The following POLD3 variants were observed in gnomAD, a reference collection of about 807,000 sequenced individuals.
The protein encoded by POLD3 is DNA polymerase delta subunit 3.
POLD3 carries 19 observed loss-of-function variants against 58.2 expected under a neutral mutation model. The observed-to-expected ratio is 0.33, with a 90% CI of 0.23 to 0.48. POLD3 has a LOEUF of 0.48. Ranked by LOEUF, POLD3 falls within the 20% of genes least tolerant of loss-of-function variation. The pLI is 0.99. For missense variants in POLD3, 504 were observed against 545.5 expected (o/e 0.92, Z 0.76); for synonymous variants, 172 against 193.5 (o/e 0.89, Z 0.92).
At chr11:74,632,822 G>A (rs2032630529) in intron 9 of POLD3, among the ~76,000 whole-genome samples, 1 of 148,504 alleles carries the variant, frequency 6.7e-6, no homozygotes, top group South Asian at 2.1e-4. Context: ...TGACCTGGAT[G>A]TTCCTCATCC....
At position 74,657,992 on chromosome 11, in the gene POLD3, C is replaced by G. The variant is rs34973879; in HGVS notation, c.370-10785C>G. 3.3e-3 allele frequency among the ~76,000 whole-genome samples: 503 copies of G among 152,206 alleles called. 1 individual carries two copies. Among genetic ancestry groups the G allele is most frequent in the Non-Finnish European group, 5.7e-3 (385 of 68,002 alleles). On this transcript the variant is annotated intron_variant, in intron 4 of 4. Coordinates refer to the POLD3 transcript ENST00000524752. ...CCTGGCTTGTAAGGTTTATTAGATG[C>G]CTCAAGGTAGTCAAGTTAAATCTAT...
intron 4 of POLD3, 46 bp downstream of exon 4, chr11:74,611,584 G>C (rs747739840): frequency 9.5e-7 from 1 of 1,054,572 alleles, no homozygotes; most frequent in Non-Finnish European, 1.4e-6. Flanking sequence ...TATGGCATCA[G>C]TGTAGGTGCA....
At chr11:74,627,853 A>C (rs1391337541) in intron 8 of POLD3, among the ~76,000 whole-genome samples, 1 of 152,160 alleles carries the variant, frequency 6.6e-6, no homozygotes, top group African/African-American at 2.4e-5. Context: ...TCACCTAACA[A>C]TGCATTTCTC....
rs184047695 is a variant in POLD3, at chr11:74,667,332, G to A, written c.370-1445G>A. On this transcript the variant is annotated intron_variant, in intron 4 of 4. Coordinates refer to the POLD3 transcript ENST00000524752. ...GGGCAGATCACAAGGTCAGGAGATCGAGACCATCCTGGCTAACACAGTGAA... is the reference window on the plus strand; with the variant it reads ...GGGCAGATCACAAGGTCAGGAGATCAAGACCATCCTGGCTAACACAGTGAA... Among the ~76,000 whole-genome samples, 950 of 152,200 alleles carry A rather than the reference G, an allele frequency of 6.2e-3. 26 individuals carry two copies. The highest frequency in any genetic ancestry group is 0.041 in the East Asian group (212 of 5,182).
intron 5 of POLD3, among the ~76,000 whole-genome samples, chr11:74,615,179 C>G (rs547778236): frequency 4.0e-4 from 61 of 152,292 alleles, no homozygotes; most frequent in South Asian, 3.3e-3. Flanking sequence ...GTCAGTAAAG[C>G]TGACAGTAGT....
chr11:74,617,490 C>G (rs762060579), intron 5 of POLD3, among the ~76,000 whole-genome samples: 1 of 152,188 alleles, frequency 6.6e-6, no homozygotes, highest in Non-Finnish European at 1.5e-5. Context: ...CAACCTCTGC[C>G]TCCTGGGTTC....
At chr11:74,608,134 G>A (rs980583036) in intron 3 of POLD3, among the ~76,000 whole-genome samples, 1 of 152,090 alleles carries the variant, frequency 6.6e-6, no homozygotes, top group Non-Finnish European at 1.5e-5. Context: ...TTTTAGCTGA[G>A]ATTAGTTTTA....
chr11:74,633,838 GA>G (rs1164320310), intron 9 of POLD3, among the ~76,000 whole-genome samples: 1 of 152,166 alleles, frequency 6.6e-6, no homozygotes, highest in Non-Finnish European at 1.5e-5. Flanking sequence ...GCAGTCACTA[GA>G]AATATGCAAA....
chr11:74,601,865 T>C (rs1294593703), intron 2 of POLD3, among the ~76,000 whole-genome samples: 1 of 152,106 alleles, frequency 6.6e-6, no homozygotes, highest in African/African-American at 2.4e-5. Flanking sequence ...TGAGCTGCTG[T>C]CTTGATGAGA....
chr11:74,634,912 G>A (rs150694763), intron 10 of POLD3, among the ~76,000 whole-genome samples: 186 of 152,346 alleles, frequency 1.2e-3, no homozygotes, highest in African/African-American at 4.4e-3. Context: ...CAGGAACGTT[G>A]CAGAGGTGGA....
chr11:74,656,789 A>G (rs1409279215), intron 4 of POLD3, among the ~76,000 whole-genome samples: 1 of 151,776 alleles, frequency 6.6e-6, no homozygotes, highest in East Asian at 1.9e-4. Flanking sequence ...TTGTGACCCA[A>G]CATATGGTCT....
chr11:74,615,694 A>G (rs557392227), intron 5 of POLD3, among the ~76,000 whole-genome samples: 1 of 152,270 alleles, frequency 6.6e-6, no homozygotes, highest in South Asian at 2.1e-4. Flanking sequence ...TAGGAAGAAA[A>G]GGTTGAAAAT....
chr11:74,634,831 C>T, intron 10 of POLD3, 136 bp downstream of exon 10: 1 of 616,782 alleles, frequency 1.6e-6, no homozygotes, highest in South Asian at 1.7e-5. Flanking sequence ...TTCTGCTGTC[C>T]TACAGGTTGT....
rs2032164592 is a variant in POLD3, at chr11:74,618,890, T to TAAGTAG, written c.660+86_660+87insAAGTAG. The TAAGTAG allele has an allele frequency of 3.6e-6, 4 of 1,122,210 alleles. No individual in the cohort carries two copies. In the Admixed American group the frequency reaches 7.7e-5, roughly 22 times the overall value. The allele number at this position is 1,122,210 out of a possible 1,614,324, so 69.5% of individuals were successfully genotyped here. A position where few individuals can be genotyped will look rare whatever the true frequency, so the allele number is the denominator to read the frequency against. ...TAATGGTTGCAGTGGTAGTAGTTTA[T>TAAGTAG]TTATATAAGATTCTGATATTCAGTT... On this transcript the variant is annotated intron_variant, in intron 6 of 11. Coordinates refer to ENST00000263681, the MANE Select transcript of POLD3 (RefSeq NM_006591.3).
intron 9 of POLD3, among the ~76,000 whole-genome samples, chr11:74,633,687 A>G (rs1257312536): frequency 2.0e-5 from 3 of 152,314 alleles, no homozygotes; most frequent in African/African-American, 7.2e-5. Flanking sequence ...AAGACCACCA[A>G]TTCTGCAATT....
chr11:74,613,594 T>G (rs1264889558), intron 5 of POLD3, among the ~76,000 whole-genome samples: 7 of 152,210 alleles, frequency 4.6e-5, no homozygotes, highest in Non-Finnish European at 1.0e-4. Context: ...TTTGGTTTCT[T>G]TGCCTTTAAA....
At chr11:74,640,435 T>C (rs1301033387) in intron 11 of POLD3, 129 bp from the exon 12 acceptor site, 3 of 1,106,176 alleles carry the variant, frequency 2.7e-6, no homozygotes, top group Non-Finnish European at 3.7e-6. Flanking sequence ...GGGAGAAAGA[T>C]TGAGTCCTAA....
intron 2 of POLD3, 142 bp from the exon 3 acceptor site, chr11:74,604,550 C>G (rs1223376855): frequency 1.7e-6 from 1 of 597,024 alleles, no homozygotes; most frequent in Non-Finnish European, 3.0e-6. Flanking sequence ...TTTCAACTGT[C>G]CATAGGCCAA....
At chr11:74,637,435 C>CTTTTTTTTTTTTTTTTTTTGTTTCT (rs5792663) in intron 11 of POLD3, among the ~76,000 whole-genome samples, 1 of 115,476 alleles carries the variant, frequency 8.7e-6, no homozygotes, top group African/African-American at 3.4e-5. Context: ...CTTTTTCTTC[C>CTTTTTTTTTTTTTTTTTTTGTTTCT]TTTTTTTTTT....
Sources: allele counts gnomAD v4.1 joint callset (sites outside exome capture counted in the v4.1 genomes callset), GRCh38; gene constraint gnomAD v4.1.1; transcripts MANE v1.5; gene names NCBI Gene and HGNC (gene_info 2026-07-23, HGNC 2026-07-21).